Variants in GJB6 observed in about 807,000 individuals in gnomAD.
The protein encoded by GJB6 is gap junction protein beta 6.
In GJB6, 5 loss-of-function variants were observed where a neutral mutation model predicts 5.4. The ratio of observed to expected loss-of-function variants is 0.92; its 90% CI spans 0.48 to 1.93. The LOEUF (loss-of-function observed/expected upper bound fraction) is 1.93, where lower values mean the gene tolerates loss of function less well. GJB6 is among the 30% of genes most tolerant of loss of function. The probability of loss-of-function intolerance (pLI) is 0.01; values close to 1 mark genes in which losing one functional copy is unlikely to be tolerated. For synonymous variants in GJB6, 136 were observed against 129.6 expected (o/e 1.05, Z -0.34); for missense variants, 298 against 326.9 (o/e 0.91, Z 0.68).
Position 20,223,005 on chromosome 13 carries a change from T to C in GJB6, c.476A>G (p.Asn159Ser), listed in dbSNP as rs35277762. The C allele has an allele frequency of 3.8e-4, 608 of 1,614,126 alleles. 4 individuals carry two copies. In the African/African-American group the frequency reaches 7.1e-3, roughly 19 times the overall value. The change falls in exon 5 of 5, where the codon AAT becomes AGT. Residue 159 changes from asparagine (N) to serine (S), a missense_variant. Asn to Ser is a conservative substitution (Grantham distance 46). Transcript: ENST00000647029. ...AFMYVFYFLY[N>S]GYHLPWVLKC... ...CAACACCCAGGGCAGGTGGTACCCATTGTAAAGGAAGTAAAACACATACAT... is the reference window on the plus strand; with the variant it reads ...CAACACCCAGGGCAGGTGGTACCCACTGTAAAGGAAGTAAAACACATACAT...
chr13:20,228,057 A>C (rs1235570758), intron 4 of GJB6, among the ~76,000 whole-genome samples: 2 of 152,242 alleles, frequency 1.3e-5, no homozygotes. Flanking sequence ...CACAGGGCAT[A>C]ATCTTTCACA....
intron 4 of GJB6, among the ~76,000 whole-genome samples, chr13:20,228,750 C>G (rs975106211): frequency 1.3e-5 from 2 of 151,874 alleles, no homozygotes; most frequent in Non-Finnish European, 2.9e-5. Flanking sequence ...TCCCAAAGTG[C>G]TGGGATTACA....
At chr13:20,230,546 A>T (rs1026789208) in intron 3 of GJB6, among the ~76,000 whole-genome samples, 152 bp downstream of exon 3, 1 of 152,250 alleles carries the variant, frequency 6.6e-6, no homozygotes, top group Non-Finnish European at 1.5e-5. Flanking sequence ...ATGCTCATGC[A>T]CTAAGCAACT....
intron 4 of GJB6, chr13:20,225,138 T>G (rs929431708): frequency 1.3e-5 from 2 of 151,924 alleles, no homozygotes; most frequent in East Asian, 3.9e-4. Context: ...TGAGAAATTG[T>G]TTTTTTTGCC....
chr13:20,222,236 C>A lies in GJB6; in HGVS notation c.*459G>T, dbSNP rs1288470061. On this transcript the variant is annotated 3_prime_UTR_variant, in exon 5 of 5. Transcript: ENST00000647029. Reference sequence around the variant, plus strand: ...AAATTTAGATACTTGTGGTGTAATTCTAAAACTAACATCGCATGTTTTTCC... The same window carrying A: ...AAATTTAGATACTTGTGGTGTAATTATAAAACTAACATCGCATGTTTTTCC... 1 of 169,438 alleles carries A rather than the reference C, an allele frequency of 5.9e-6. No individual in the cohort carries two copies. The highest frequency in any genetic ancestry group is 1.3e-5 in the Non-Finnish European group (1 of 77,856). The allele number at this position is 169,438 out of a possible 1,614,324, so 10.5% of individuals were successfully genotyped here.
At chr13:20,229,315 ATTTTTTTTTTTTTTTTT>A (rs60451416) in intron 4 of GJB6, among the ~76,000 whole-genome samples, 11 of 55,272 alleles carry the variant, frequency 2.0e-4, no homozygotes, top group Non-Finnish European at 3.8e-4. Context: ...TACCTGGTTA[ATTTTTTTTTTTTTTTTT>A]TTTTTTTTTT....
At chr13:20,227,519 C>T (rs553155236) in intron 4 of GJB6, among the ~76,000 whole-genome samples, 74 of 152,294 alleles carry the variant, frequency 4.9e-4, no homozygotes, top group Non-Finnish European at 8.7e-4. Context: ...TCTCTCCGAA[C>T]CTGCCCGGTC....
At chr13:20,231,800 C>G (rs1398440715) in intron 1 of GJB6, among the ~76,000 whole-genome samples, 1 of 152,262 alleles carries the variant, frequency 6.6e-6, no homozygotes, top group South Asian at 2.1e-4. Context: ...CTTAGACACA[C>G]GATATGAAAC....
At position 20,228,558 on chromosome 13, in the gene GJB6, A is replaced by G. The variant is rs1174702670; in HGVS notation, c.-16+1022T>C. On this transcript the variant is annotated intron_variant, in intron 4 of 4. Transcript: ENST00000647029. Reference sequence around the variant, plus strand: ...GAGTACCGTGGCACGATCTCGGCTCACTGCAAGCTCCGCCTCCCGGGTTCA... The same window carrying G: ...GAGTACCGTGGCACGATCTCGGCTCGCTGCAAGCTCCGCCTCCCGGGTTCA... Among the ~76,000 whole-genome samples, 5 of 150,014 alleles carry G rather than the reference A, an allele frequency of 3.3e-5. No homozygotes were observed. The South Asian group carries it at 8.4e-4, about 25-fold the overall frequency.
chr13:20,227,099 G>T (rs1012557567), intron 4 of GJB6, among the ~76,000 whole-genome samples: 1 of 152,070 alleles, frequency 6.6e-6, no homozygotes, highest in Admixed American at 6.6e-5. Context: ...CTAGAAGCAG[G>T]GTCCCTGACC....
chr13:20,227,798 T>C (rs1869699762), intron 4 of GJB6, among the ~76,000 whole-genome samples: 1 of 152,196 alleles, frequency 6.6e-6, no homozygotes, highest in South Asian at 2.1e-4. Context: ...ATTGCTGCCA[T>C]TACTGGCCAG....
At chr13:20,226,339 T>A (rs1200455376) in intron 4 of GJB6, among the ~76,000 whole-genome samples, 1 of 152,054 alleles carries the variant, frequency 6.6e-6, no homozygotes. Context: ...CACACCATGT[T>A]TTCTCATCCC....
chr13:20,229,448 C>A (rs899634102), intron 4 of GJB6, 132 bp downstream of exon 4: 1 of 151,346 alleles, frequency 6.6e-6, no homozygotes, highest in African/African-American at 2.4e-5. Flanking sequence ...AGCCATCGCG[C>A]CTGGCCATCT....
At position 20,222,826 on chromosome 13, in the gene GJB6, AAC is replaced by A. The variant is rs772157377; in HGVS notation, c.653_654del (p.Cys218PhefsTer2). The A allele has an allele frequency of 1.2e-6, 2 of 1,614,106 alleles. No individual in the cohort carries two copies. The highest frequency in any genetic ancestry group is 2.2e-5 in the South Asian group (2 of 91,080). ...AELCYLLLKV[C>X]FRRSKRAQTQ... ...GTCTGTGCTCTCTTTGATCTCCTAAAACACACTTTCAGCAGCAGGTAGCACAA... is the reference window on the plus strand; with the variant it reads ...GTCTGTGCTCTCTTTGATCTCCTAAAACACTTTCAGCAGCAGGTAGCACAA... On this transcript the variant is annotated frameshift_variant, in exon 5 of 5. Coordinates refer to ENST00000647029, the MANE Select transcript of GJB6 (RefSeq NM_001110219.3). LOFTEE classifies it high-confidence loss of function.
intron 4 of GJB6, among the ~76,000 whole-genome samples, chr13:20,226,722 C>G (rs561339047): frequency 6.6e-6 from 1 of 152,122 alleles, no homozygotes. Context: ...TGGGGTCAGT[C>G]CTGTTTATTT....
chr13:20,228,074 C>T (rs978793408), intron 4 of GJB6, among the ~76,000 whole-genome samples: 5 of 152,218 alleles, frequency 3.3e-5, no homozygotes, highest in Admixed American at 3.3e-4. Flanking sequence ...CACAAACCCT[C>T]TTGGTTGGAG....
At chr13:20,223,591 G>C in intron 4 of GJB6, 96 bp from the exon 5 acceptor site, 1 of 965,458 alleles carries the variant, frequency 1.0e-6, no homozygotes, top group Middle Eastern at 2.7e-4. Flanking sequence ...TTATTTTAAG[G>C]TAGGCTGTGA....
chr13:20,228,691 A>G (rs1366998198), intron 4 of GJB6, among the ~76,000 whole-genome samples: 8 of 35,800 alleles, frequency 2.2e-4, no homozygotes, highest in East Asian at 0.026. Flanking sequence ...TCACCGTGTT[A>G]GCCAGGATGG....
At chr13:20,226,230 GGATCTAGGACTAAGAACTGGATCT>G (rs1345766728) in intron 4 of GJB6, among the ~76,000 whole-genome samples, 1 of 151,756 alleles carries the variant, frequency 6.6e-6, no homozygotes, top group Non-Finnish European at 1.5e-5. Context: ...ATGCCTGCGT[GGATCTAGGACTAAGAACTGGATCT>G]GACACTCAGC....
Sources: gnomAD v4.1 joint callset for allele counts (sites outside exome capture counted in the v4.1 genomes callset) on GRCh38, gnomAD v4.1.1 for gene constraint, MANE v1.5 for transcripts, NCBI Gene and HGNC (gene_info 2026-07-23, HGNC 2026-07-21) for gene names.